Variants in VWCE observed in about 807,000 individuals in gnomAD.
VWCE encodes von Willebrand factor C and EGF domain-containing protein.
Under a neutral mutation model 102.9 loss-of-function variants are expected in VWCE, and 68 were observed. That is an observed-to-expected ratio of 0.66 (90% CI 0.54 to 0.81). The LOEUF (loss-of-function observed/expected upper bound fraction) is 0.81. Among genes scored for constraint, VWCE ranks in the 30% least tolerant of loss-of-function variants. The pLI is 0.00. For missense variants in VWCE, 1,137 were observed against 1,263.6 expected (o/e 0.90, Z 1.52); for synonymous variants, 497 against 515.4 (o/e 0.96, Z 0.48).
At chr11:61,273,887 A>T (rs1016841811) in intron 12 of VWCE, 1 of 155,066 alleles carries the variant, frequency 6.4e-6, no homozygotes, top group Non-Finnish European at 1.4e-5. Context: ...CCCAGGGATC[A>T]GTGTGAGACC....
chr11:61,259,125 G>A lies in VWCE; in HGVS notation c.2418C>T (p.Asn806=). 6.2e-7 allele frequency: 1 copy of A among 1,614,154 alleles called. No homozygotes were observed. The change falls in exon 20 of 20, where the codon AAC becomes AAT. Residue 806 remains asparagine (N), a synonymous_variant. Transcript: ENST00000335613. ...TAGGTAAAGTCTGTGTTTTCATCAA[G>A]TTCGTTCTTAAAAGGAGCTGGAGGA... is the stretch of plus-strand genomic sequence containing the variant. ...LHLLQLLLRT[N]LMKTQTLPTS...
At chr11:61,267,682 G>A (rs1158268949) in intron 15 of VWCE, 138 bp from the exon 16 acceptor site, 1 of 722,330 alleles carries the variant, frequency 1.4e-6, no homozygotes, top group Non-Finnish European at 2.3e-6. Flanking sequence ...CTGGGAGTTA[G>A]GGAAGGGACA....
rs766018968 is a variant in VWCE, at chr11:61,291,510, G to A, written c.177C>T (p.Pro59=). The change falls in exon 2 of 20, where the codon CCC becomes CCT. Residue 59 remains proline, a synonymous_variant. Transcript: ENST00000335613. ...GGGTGCAGTGCCCACCACCCATAGAGGGCGCCCAGCCAGGGCAGCAGCCAC... is the reference window on the plus strand; with the variant it reads ...GGGTGCAGTGCCCACCACCCATAGAAGGCGCCCAGCCAGGGCAGCAGCCAC... The part of the protein sequence containing the change: ...FGSGCCPGWA[P]SMGGGHCTLP... 1 of 1,533,322 alleles carries A rather than the reference G, an allele frequency of 6.5e-7. No individual in the cohort carries two copies. Among genetic ancestry groups the A allele is most frequent in the Non-Finnish European group, 8.8e-7 (1 of 1,135,428 alleles). 95.0% of individuals were successfully genotyped at this position (1,533,322 alleles called of 1,614,324 possible).
chr11:61,269,107 C>T (rs1267515027), intron 14 of VWCE, 89 bp from the exon 15 acceptor site: 5 of 1,252,794 alleles, frequency 4.0e-6, no homozygotes, highest in Non-Finnish European at 4.6e-6. Flanking sequence ...ACGCTGCAAA[C>T]TGGCCAAGGC....
At position 61,258,693 on chromosome 11, in the gene VWCE, C is replaced by A; in HGVS notation, c.2850G>T (p.Gly950=). The A allele has an allele frequency of 1.4e-6, 2 of 1,395,084 alleles. No homozygotes were observed. The highest frequency in any genetic ancestry group is 1.9e-6 in the Non-Finnish European group (2 of 1,071,560). The allele number at this position is 1,395,084 out of a possible 1,614,324, so 86.4% of individuals were successfully genotyped here. The change falls in exon 20 of 20, where the codon GGG becomes GGT. Residue 950 remains glycine (G), a synonymous_variant. Coordinates refer to ENST00000335613, the MANE Select transcript of VWCE (RefSeq NM_152718.2). ...PQQPPVGASR[G]EESTM ...GACCTCCTTACATGGTGGACTCTTC[C>A]CCCCGAGAAGCCCCCACTGGGGGCT...
At position 61,258,959 on chromosome 11, in the gene VWCE, G is replaced by A. The variant is rs1854270487; in HGVS notation, c.2584C>T (p.Pro862Ser). 3 of 1,579,746 alleles carry A rather than the reference G, an allele frequency of 1.9e-6. No individual in the cohort carries two copies. The highest frequency in any genetic ancestry group is 1.7e-6 in the Non-Finnish European group (2 of 1,164,376). Residue 862 changes from proline (P) to serine (S), a missense_variant, in exon 20 of 20, where the codon CCA (proline) becomes TCA (serine). By Grantham distance (74) the Pro-to-Ser change is moderately conservative. Coordinates refer to ENST00000335613, the MANE Select transcript of VWCE (RefSeq NM_152718.2). ...ACAGGAGGTGGCTGAGGAGCCCCTG[G>A]GGAAGCTAGAGGTAGAGTGGGGGCT... Reference protein sequence around the residue: ...PGAPTLPLASPGAPQPPPVTP... With the variant: ...PGAPTLPLASSGAPQPPPVTP...
Position 61,294,905 on chromosome 11 carries a change from G to C in VWCE, c.110+23C>G. ...GTAGCGCTCTCCCGGGCGGGGGAGCGGGGAGGAGCTCCGGGCGCTTACCTC... is the reference window on the plus strand; with the variant it reads ...GTAGCGCTCTCCCGGGCGGGGGAGCCGGGAGGAGCTCCGGGCGCTTACCTC... On this transcript the variant is annotated intron_variant, in intron 1 of 19. Transcript: ENST00000335613. The surrounding 1 kb of genome is among the most constrained non-coding windows in gnomAD (Gnocchi z 6.3). 1 of 1,366,710 alleles carries C rather than the reference G, an allele frequency of 7.3e-7. No homozygotes were observed. Among genetic ancestry groups the C allele is most frequent in the East Asian group, 3.0e-5 (1 of 33,050 alleles). The allele number at this position is 1,366,710 out of a possible 1,614,324, so 84.7% of individuals were successfully genotyped here. A position where few individuals can be genotyped will look rare whatever the true frequency, so the allele number is the denominator to read the frequency against.
chr11:61,281,827 C>G lies in VWCE; in HGVS notation c.746G>C (p.Arg249Pro). 6.2e-7 allele frequency: 1 copy of G among 1,613,828 alleles called. No individual in the cohort carries two copies. Among genetic ancestry groups the G allele is most frequent in the Non-Finnish European group, 8.5e-7 (1 of 1,179,842 alleles). The part of the protein sequence containing the change: ...NTVGSFLCTC[R>P]PGFRLRADRV... ...GTCAGCTCGGAGCCTGAAGCCAGGT[C>G]GGCATGTGCATAGGAAGCTGCCCAC... Residue 249 changes from arginine (R) to proline (P), a missense_variant, in exon 7 of 20, where the codon CGA (arginine) becomes CCA (proline). By Grantham distance (103) the Arg-to-Pro change is moderately radical. This residue lies in a region of VWCE where 575 missense variants were observed against 625.9 expected (regional missense o/e 0.92). Transcript: ENST00000335613.
chr11:61,261,432 G>A (rs553410114), intron 19 of VWCE, among the ~76,000 whole-genome samples: 2 of 143,858 alleles, frequency 1.4e-5, no homozygotes, highest in South Asian at 4.3e-4. Flanking sequence ...TTAGAAAGCT[G>A]TTATACTTTT....
Position 61,258,633 on chromosome 11 carries a change from C to A in VWCE, c.*42G>T. On this transcript the variant is annotated 3_prime_UTR_variant, in exon 20 of 20. Transcript: ENST00000335613. Reference sequence around the variant, plus strand: ...CCCTGCACACACCCTGGGCCACTGGCAGAGGTCCTCTCTCCAGAGTCTCCC... The same window carrying A: ...CCCTGCACACACCCTGGGCCACTGGAAGAGGTCCTCTCTCCAGAGTCTCCC... The A allele has an allele frequency of 7.5e-7, 1 of 1,339,460 alleles. No individual in the cohort carries two copies. The highest frequency in any genetic ancestry group is 9.6e-7 in the Non-Finnish European group (1 of 1,039,306). The allele number at this position is 1,339,460 out of a possible 1,614,324, so 83.0% of individuals were successfully genotyped here.
chr11:61,268,724 C>T (rs1286298947), intron 15 of VWCE, among the ~76,000 whole-genome samples, 198 bp downstream of exon 15: 1 of 152,162 alleles, frequency 6.6e-6, no homozygotes, highest in East Asian at 1.9e-4. Context: ...GTAAGCCCTG[C>T]GTGTCTTCAG....
intron 15 of VWCE, among the ~76,000 whole-genome samples, chr11:61,267,896 T>C (rs1854559833): frequency 6.6e-6 from 1 of 151,878 alleles, no homozygotes; most frequent in Non-Finnish European, 1.5e-5. Flanking sequence ...CAACCTCCTC[T>C]CTGCCCTCCA....
At chr11:61,262,443 C>G (rs1027726507) in intron 19 of VWCE, among the ~76,000 whole-genome samples, 2 of 152,212 alleles carry the variant, frequency 1.3e-5, no homozygotes, top group African/African-American at 4.8e-5. Flanking sequence ...CTGGAACACT[C>G]CATGAACATT....
Position 61,282,869 on chromosome 11 carries a change from C to G in VWCE, c.578G>C (p.Arg193Thr). 1 of 1,614,208 alleles carries G rather than the reference C, an allele frequency of 6.2e-7. No individual in the cohort carries two copies. The highest frequency in any genetic ancestry group is 8.5e-7 in the Non-Finnish European group (1 of 1,180,022). ...GTAGCTGCCAATGCTGTTTTTACAT[C>G]TCTGCTGACAGGGAGTCCCTAGGCA... The part of the protein sequence containing the change: ...DECLGTPCQQ[R>T]CKNSIGSYKC... The change falls in exon 6 of 20, where the codon AGA becomes ACA. Residue 193 changes from arginine (R) to threonine (T), a missense_variant. By Grantham distance (71) the Arg-to-Thr change is moderately conservative. Coordinates refer to ENST00000335613, the MANE Select transcript of VWCE (RefSeq NM_152718.2).
intron 15 of VWCE, among the ~76,000 whole-genome samples, chr11:61,267,827 G>A (rs1397476013): frequency 6.6e-6 from 1 of 152,150 alleles, no homozygotes; most frequent in Non-Finnish European, 1.5e-5. Flanking sequence ...CTCACCAGGG[G>A]GGATCAGGTG....
intron 5 of VWCE, 125 bp from the exon 6 acceptor site, chr11:61,283,030 G>A: frequency 1.2e-6 from 1 of 801,816 alleles, no homozygotes; most frequent in South Asian, 1.5e-5. Context: ...CACCTTAGCT[G>A]CCCCTCTTCT....
intron 19 of VWCE, among the ~76,000 whole-genome samples, chr11:61,263,634 A>G (rs1028147119): frequency 2.6e-5 from 4 of 152,092 alleles, no homozygotes; most frequent in Non-Finnish European, 4.4e-5. Flanking sequence ...AGTTCTTGGG[A>G]ATCAATCCAC....
At chr11:61,267,144 G>A (rs1470033270) in intron 16 of VWCE, among the ~76,000 whole-genome samples, 1 of 152,136 alleles carries the variant, frequency 6.6e-6, no homozygotes, top group Non-Finnish European at 1.5e-5. Flanking sequence ...TGTGGTCCCA[G>A]CTACTTGGGA....
intron 7 of VWCE, 149 bp from the exon 8 acceptor site, chr11:61,281,384 C>T (rs530453808): frequency 3.8e-5 from 38 of 990,302 alleles, no homozygotes; most frequent in Non-Finnish European, 5.2e-5. Context: ...GGGACACTGT[C>T]GCCGTTTGGC....
Sources: allele counts gnomAD v4.1 joint callset (sites outside exome capture counted in the v4.1 genomes callset), GRCh38; gene constraint gnomAD v4.1.1; regional missense constraint gnomAD v4.1.1; non-coding constraint Gnocchi (gnomAD v3.1); transcripts MANE v1.5; gene names NCBI Gene and HGNC (gene_info 2026-07-23, HGNC 2026-07-21).